LOC400499: variants seen among roughly 807,000 people sequenced by gnomAD.
chr16:11,383,115 G>C, the LOC400499 span, among the ~76,000 whole-genome samples: 1 of 151,384 alleles, frequency 6.6e-6, no homozygotes, highest in South Asian at 2.1e-4. Context: ...GCCCAGGCTA[G>C]AGTGCAGTGG....
the LOC400499 span, among the ~76,000 whole-genome samples, chr16:11,386,675 G>A: frequency 6.6e-6 from 1 of 152,192 alleles, no homozygotes; most frequent in Admixed American, 6.5e-5. Flanking sequence ...AGACTCACCT[G>A]GCCACACAGC....
At chr16:11,428,433 C>G in the LOC400499 span, among the ~76,000 whole-genome samples, 3 of 152,180 alleles carry the variant, frequency 2.0e-5, no homozygotes, top group Admixed American at 6.5e-5. Flanking sequence ...TTCAACCTCC[C>G]AAAGTGTTGA....
the LOC400499 span, chr16:11,476,772 G>A: frequency 7.5e-6 from 3 of 399,420 alleles, no homozygotes; most frequent in Non-Finnish European, 8.8e-6. Flanking sequence ...ACCTGAAGCT[G>A]AGCAGCTCCA....
the LOC400499 span, among the ~76,000 whole-genome samples, chr16:11,415,352 C>G: frequency 1.3e-5 from 2 of 152,196 alleles, no homozygotes; most frequent in Middle Eastern, 3.2e-3. Flanking sequence ...CGGCTCAGGC[C>G]CAAGTGACAC....
the LOC400499 span, chr16:11,462,577 C>A: frequency 3.7e-6 from 1 of 268,256 alleles, no homozygotes. Flanking sequence ...CACGTGCCAC[C>A]ACACCCGGCT....
the LOC400499 span, among the ~76,000 whole-genome samples, chr16:11,480,440 C>A: frequency 0.018 from 2,684 of 152,234 alleles, 78 homozygotes; most frequent in African/African-American, 0.061. Flanking sequence ...ATGCCCCAAC[C>A]GTCTACCTTG....
At chr16:11,412,797 A>T in the LOC400499 span, 3 of 398,768 alleles carry the variant, frequency 7.5e-6, no homozygotes, top group South Asian at 3.8e-4. Context: ...TACCCAGTCA[A>T]TGGTTCCTCC....
At chr16:11,382,182 C>T in the LOC400499 span, among the ~76,000 whole-genome samples, 1 of 152,182 alleles carries the variant, frequency 6.6e-6, no homozygotes, top group Non-Finnish European at 1.5e-5. Flanking sequence ...AGGTGATCTG[C>T]CCATCTTGGC....
chr16:11,502,294 C>T, the LOC400499 span: 8 of 396,282 alleles, frequency 2.0e-5, no homozygotes, highest in African/African-American at 1.4e-4. Context: ...GAAGGACCTA[C>T]CACCTTCTCC....
At chr16:11,509,420 C>A in the LOC400499 span, among the ~76,000 whole-genome samples, 1 of 151,428 alleles carries the variant, frequency 6.6e-6, no homozygotes, top group Non-Finnish European at 1.5e-5. Context: ...GCCCAGCCAA[C>A]ACTGAGTATC....
the LOC400499 span, among the ~76,000 whole-genome samples, chr16:11,394,244 C>G: frequency 3.3e-5 from 5 of 152,326 alleles, no homozygotes; most frequent in African/African-American, 4.8e-5. Flanking sequence ...CCTGCAGGTG[C>G]CCAGCCTTGG....
chr16:11,467,351 T>G, the LOC400499 span: 1 of 150,146 alleles, frequency 6.7e-6, no homozygotes, highest in Non-Finnish European at 1.5e-5. Flanking sequence ...GGCTCACGCC[T>G]GTAATCCTAG....
chr16:11,385,275 G>A, the LOC400499 span: 135 of 1,232,160 alleles, frequency 1.1e-4, no homozygotes, highest in Middle Eastern at 3.1e-4. Flanking sequence ...TGTGAGCCCC[G>A]AGCCTGTCCG....
the LOC400499 span, among the ~76,000 whole-genome samples, chr16:11,428,820 G>C: frequency 1.3e-5 from 2 of 152,054 alleles, no homozygotes; most frequent in African/African-American, 4.8e-5. Flanking sequence ...GAGTGGATAG[G>C]GGATAAAGAA....
chr16:11,389,929 G>A, the LOC400499 span, among the ~76,000 whole-genome samples: 1 of 152,128 alleles, frequency 6.6e-6, no homozygotes, highest in Non-Finnish European at 1.5e-5. Context: ...GTGCTCACGA[G>A]GTATCTATGG....
the LOC400499 span, among the ~76,000 whole-genome samples, chr16:11,458,729 C>G: frequency 6.6e-6 from 1 of 151,940 alleles, no homozygotes; most frequent in Non-Finnish European, 1.5e-5. Context: ...CCACCAAACT[C>G]CAAAATGGTT....
At chr16:11,387,362 G>T in the LOC400499 span, 1 of 1,172,618 alleles carries the variant, frequency 8.5e-7, no homozygotes, top group Non-Finnish European at 1.1e-6. Flanking sequence ...CTGCAGAGGG[G>T]AGCTTCTAGG....
the LOC400499 span, chr16:11,383,847 A>G: frequency 8.1e-7 from 1 of 1,232,156 alleles, no homozygotes; most frequent in Non-Finnish European, 1.0e-6. Context: ...TGATGAGACA[A>G]AGGGCCTTCT....
the LOC400499 span, chr16:11,443,465 C>CT: frequency 1.6e-4 from 19 of 120,786 alleles, no homozygotes; most frequent in South Asian, 2.3e-4. Flanking sequence ...GAGACTCTGT[C>CT]TTAAAAAAAA....
Sources: gnomAD v4.1 joint callset for allele counts (sites outside exome capture counted in the v4.1 genomes callset) on GRCh38, gnomAD v4.1.1 for gene constraint, MANE v1.5 for transcripts.